Variants in TMEM178B observed in about 807,000 individuals in gnomAD.
TMEM178B encodes the protein transmembrane protein 178B.
Under a neutral mutation model 31.0 loss-of-function variants are expected in TMEM178B, and 5 were observed. The ratio of observed to expected loss-of-function variants is 0.16; its 90% CI spans 0.08 to 0.34. The LOEUF (loss-of-function observed/expected upper bound fraction) is 0.34, where lower values mean the gene tolerates loss of function less well. Among genes scored for constraint, TMEM178B ranks in the 10% least tolerant of loss-of-function variants. The pLI, the probability that TMEM178B is intolerant of heterozygous loss-of-function variation, is 1.00. For synonymous variants in TMEM178B, 164 were observed against 164.0 expected (o/e 1.00, Z 0.00); for missense variants, 275 against 400.3 (o/e 0.69, Z 2.67).
chr7:141,091,765 T>C (rs192947214), intron 1 of TMEM178B, among the ~76,000 whole-genome samples: 24 of 152,304 alleles, frequency 1.6e-4, no homozygotes, highest in South Asian at 6.2e-4. Flanking sequence ...TCTTGCTCTG[T>C]CTCCCAGGCT....
chr7:141,385,352 G>T (rs963893617), intron 2 of TMEM178B, among the ~76,000 whole-genome samples: 7 of 152,176 alleles, frequency 4.6e-5, no homozygotes, highest in Non-Finnish European at 7.3e-5. Flanking sequence ...CCATAAGATG[G>T]TCTGCTCTAG....
chr7:141,372,452 T>C (rs1209721950), intron 2 of TMEM178B, among the ~76,000 whole-genome samples: 1 of 152,128 alleles, frequency 6.6e-6, no homozygotes, highest in Non-Finnish European at 1.5e-5. Flanking sequence ...TTCAGGTCTT[T>C]ACTCAAATGT....
chr7:141,219,566 A>G (rs1168733641), intron 2 of TMEM178B, among the ~76,000 whole-genome samples: 1 of 152,194 alleles, frequency 6.6e-6, no homozygotes, highest in Non-Finnish European at 1.5e-5. Context: ...GCGTGTCATC[A>G]TAGGTTGCCT....
Position 141,366,312 on chromosome 7 carries a change from C to T in TMEM178B, c.497-71296C>T, listed in dbSNP as rs186290202. Among the ~76,000 whole-genome samples the T allele has an allele frequency of 1.5e-3, 225 of 152,198 alleles. 3 individuals are homozygous for T. Among genetic ancestry groups the T allele is most frequent in the East Asian group, 5.8e-4 (3 of 5,178 alleles). ...GAAAGCATGTCTGTGACTTCTGGCT[C>T]GAAAGGGAAATGAATGTTTTGTTTT... On this transcript the variant is annotated intron_variant, in intron 2 of 3. Transcript: ENST00000565468.
At chr7:141,409,378 A>G (rs1336197867) in intron 2 of TMEM178B, among the ~76,000 whole-genome samples, 1 of 152,190 alleles carries the variant, frequency 6.6e-6, no homozygotes, top group African/African-American at 2.4e-5. Flanking sequence ...AGGAAGAACA[A>G]GGGAATGTTT....
intron 2 of TMEM178B, among the ~76,000 whole-genome samples, chr7:141,337,572 A>C (rs1258665194): frequency 1.3e-5 from 2 of 152,206 alleles, no homozygotes. Context: ...GCCTAGAGAT[A>C]CTCAATAATT....
chr7:141,372,840 A>G (rs970994363), intron 2 of TMEM178B, among the ~76,000 whole-genome samples: 4 of 152,178 alleles, frequency 2.6e-5, no homozygotes, highest in African/African-American at 9.7e-5. Flanking sequence ...TTGGAACCCA[A>G]ATGATTAGAT....
At chr7:141,390,570 T>G (rs979834329) in intron 2 of TMEM178B, among the ~76,000 whole-genome samples, 2 of 152,202 alleles carry the variant, frequency 1.3e-5, no homozygotes, top group East Asian at 3.8e-4. Context: ...GAAGAACGCA[T>G]GTCACATTCT....
At chr7:141,192,408 G>A (rs1038704664) in intron 1 of TMEM178B, among the ~76,000 whole-genome samples, 1 of 152,132 alleles carries the variant, frequency 6.6e-6, no homozygotes, top group African/African-American at 2.4e-5. Context: ...AAGCACCAAG[G>A]CAGATGTTCC....
At chr7:141,089,695 T>A (rs1255251312) in intron 1 of TMEM178B, among the ~76,000 whole-genome samples, 3 of 152,068 alleles carry the variant, frequency 2.0e-5, no homozygotes. Context: ...AAAGGATGAG[T>A]TCATGTCCTT....
At chr7:141,119,924 A>C (rs1412835399) in intron 1 of TMEM178B, among the ~76,000 whole-genome samples, 2 of 152,200 alleles carry the variant, frequency 1.3e-5, no homozygotes, top group Admixed American at 6.5e-5. Flanking sequence ...AAGTGTTATC[A>C]TCAAGGCATA....
intron 2 of TMEM178B, among the ~76,000 whole-genome samples, chr7:141,401,987 G>A (rs1800786276): frequency 1.3e-5 from 2 of 152,164 alleles, no homozygotes; most frequent in South Asian, 4.1e-4. Context: ...CTGCACGATT[G>A]TTTCTAATGC....
At chr7:141,335,523 C>T (rs1417513711) in intron 2 of TMEM178B, among the ~76,000 whole-genome samples, 1 of 152,102 alleles carries the variant, frequency 6.6e-6, no homozygotes, top group African/African-American at 2.4e-5. Flanking sequence ...GTGCAGGAGC[C>T]CAAGGCAACA....
intron 1 of TMEM178B, among the ~76,000 whole-genome samples, chr7:141,082,107 C>A (rs1794695918): frequency 6.6e-6 from 1 of 152,206 alleles, no homozygotes; most frequent in Non-Finnish European, 1.5e-5. Flanking sequence ...CTAGGCTACA[C>A]CATCTAGGTT....
chr7:141,093,460 G>A (rs1013585660), intron 1 of TMEM178B, among the ~76,000 whole-genome samples: 2 of 152,192 alleles, frequency 1.3e-5, no homozygotes, highest in Non-Finnish European at 2.9e-5. Context: ...CTCAAGGGGA[G>A]ATATCAAGAG....
chr7:141,388,283 T>G (rs1800470721), intron 2 of TMEM178B, among the ~76,000 whole-genome samples: 1 of 152,110 alleles, frequency 6.6e-6, no homozygotes, highest in South Asian at 2.1e-4. Context: ...ACCCCACTCA[T>G]GTCACTAATA....
At chr7:141,089,761 CA>C (rs927320086) in intron 1 of TMEM178B, among the ~76,000 whole-genome samples, 5 of 151,482 alleles carry the variant, frequency 3.3e-5, no homozygotes, top group African/African-American at 1.2e-4. Flanking sequence ...ATTGCAAGGA[CA>C]AAAAACCAAA....
At chr7:141,420,919 G>T (rs557289640) in intron 2 of TMEM178B, among the ~76,000 whole-genome samples, 169 of 152,286 alleles carry the variant, frequency 1.1e-3, no homozygotes, top group Admixed American at 1.5e-3. Context: ...AGAGTCATTT[G>T]GTCTACCCCC....
In TMEM178B at chr7:141,111,822, G is replaced by A. The variant is rs141919989; in HGVS notation, c.382+37130G>A. Among the ~76,000 whole-genome samples, 35 of 152,274 alleles carry A rather than the reference G, an allele frequency of 2.3e-4. No individual in the cohort carries two copies. The East Asian group carries it at 2.3e-3, about 10-fold the overall frequency. The stretch of plus-strand genomic sequence containing the variant: ...AAAAGGAGTAAGACAAATTAATGCC[G>A]TTGTGAATTGTGTTTATATTTACTT... On this transcript the variant is annotated intron_variant, in intron 1 of 3. Coordinates refer to ENST00000565468, the MANE Select transcript of TMEM178B (RefSeq NM_001195278.2).
Sources: allele counts gnomAD v4.1 joint callset (sites outside exome capture counted in the v4.1 genomes callset), GRCh38; gene constraint gnomAD v4.1.1; transcripts MANE v1.5; gene names NCBI Gene and HGNC (gene_info 2026-07-23, HGNC 2026-07-21).